TRAIP: variants seen among roughly 807,000 people sequenced by gnomAD.
TRAIP encodes the protein E3 ubiquitin-protein ligase TRAIP.
In TRAIP, 37 loss-of-function variants were observed where a neutral mutation model predicts 65.0. The ratio of observed to expected loss-of-function variants is 0.57; its 90% confidence interval spans 0.44 to 0.75. TRAIP has a LOEUF of 0.75. TRAIP is among the 30% of genes least tolerant of loss of function. TRAIP has a pLI of 0.00. For missense variants in TRAIP, 481 were observed against 579.4 expected, an observed-to-expected ratio of 0.83 and a Z score of 1.74; for synonymous variants, 187 against 219.1, an observed-to-expected ratio of 0.85 and a Z score of 1.29.
rs748874948 is a variant in TRAIP at position 49,829,107 on chromosome 3, G to A, written c.1406C>T (p.Ser469Leu). 1.5e-5 allele frequency: 24 copies of A among 1,614,034 alleles called. No individual in the cohort carries two copies. Among genetic ancestry groups the A allele is most frequent in the Non-Finnish European group, 1.1e-5 (13 of 1,180,040 alleles). The change falls in exon 15 of 15, where the codon TCG becomes TTG. Residue 469 changes from serine to leucine, a missense_variant. Physicochemically the swap from Ser to Leu is moderately radical, Grantham distance 145. Coordinates refer to ENST00000331456, the MANE Select transcript of TRAIP (RefSeq NM_005879.3). ...CATTGGTCAGACTCACTGTTCTCACGACCACAGGAAGGTGTCCAGCTTGGC... is the reference window on the plus strand; with the variant it reads ...CATTGGTCAGACTCACTGTTCTCACAACCACAGGAAGGTGTCCAGCTTGGC... The part of the protein sequence containing the change: ...FQAKLDTFLW[S>L]
chr3:49,835,265 C>A (rs1328600257), intron 10 of TRAIP, among the ~76,000 whole-genome samples: 1 of 152,122 alleles, frequency 6.6e-6, no homozygotes, highest in Non-Finnish European at 1.5e-5. Context: ...AATTCTAATA[C>A]ATGCTACATG....
chr3:49,832,580 C>A (rs1412643073), intron 10 of TRAIP, among the ~76,000 whole-genome samples: 4 of 151,770 alleles, frequency 2.6e-5, no homozygotes, highest in Admixed American at 6.6e-5. Flanking sequence ...TTGGCACCCC[C>A]CCACCACTCC....
intron 10 of TRAIP, among the ~76,000 whole-genome samples, chr3:49,836,611 G>A (rs558168846): frequency 2.6e-5 from 4 of 152,176 alleles, no homozygotes; most frequent in East Asian, 1.9e-4. Flanking sequence ...CAGGAGGATC[G>A]CTTGAGGCCA....
Position 49,856,429 on chromosome 3 carries a change from T to C in TRAIP, c.25A>G (p.Ile9Val), listed in dbSNP as rs775815051. 6.2e-7 allele frequency: 1 copy of C among 1,614,036 alleles called. No homozygotes were observed. Among genetic ancestry groups the C allele is most frequent in the African/African-American group, 1.3e-5 (1 of 74,944 alleles). The change falls in exon 1 of 15, where the codon ATC (isoleucine) becomes GTC (valine). Residue 9 changes from isoleucine (I) to valine (V), a missense_variant. Physicochemically the swap from Ile to Val is conservative, Grantham distance 29. Transcript: ENST00000331456. The stretch of plus-strand genomic sequence containing the variant: ...GAGTGATCGAAGAAGTCGGAGCAGA[T>C]AGTGCACAGAGCACGGATAGGCATG... The part of the protein sequence containing the change: MPIRALCT[I>V]CSDFFDHSRD...
intron 10 of TRAIP, among the ~76,000 whole-genome samples, chr3:49,834,733 G>A (rs2081765839): frequency 6.6e-6 from 1 of 152,122 alleles, no homozygotes; most frequent in Non-Finnish European, 1.5e-5. Context: ...ACCCACATAG[G>A]TTGGCCTCCA....
chr3:49,849,624 C>A (rs1342924966), intron 1 of TRAIP, among the ~76,000 whole-genome samples: 15 of 145,630 alleles, frequency 1.0e-4, no homozygotes, highest in Non-Finnish European at 1.5e-5. Context: ...GACTCCATCT[C>A]AAAAAAAAAA....
chr3:49,834,944 G>C (rs1371463372), intron 10 of TRAIP, among the ~76,000 whole-genome samples: 1 of 152,264 alleles, frequency 6.6e-6, no homozygotes, highest in Non-Finnish European at 1.5e-5. Flanking sequence ...GCTCACGCCT[G>C]TAATACCAAC....
rs1278799330 is a variant in TRAIP at position 49,841,069 on chromosome 3, C to T, written c.621G>A (p.Glu207=). The change falls in exon 8 of 15, where the codon GAG becomes GAA. Residue 207 remains glutamate (E), a synonymous_variant. Transcript: ENST00000331456. ...TCCGTGCCTCTTTTAGATTCTCGTA[C>T]TCTCTGCAATGTGGCCATGGAAAGA... ...LAVYCVSLKK[E]YENLKEARKA... is the part of the protein sequence containing the mutation. 6.2e-7 allele frequency: 1 copy of T among 1,613,994 alleles called. No homozygotes were observed. The highest frequency in any genetic ancestry group is 1.3e-5 in the African/African-American group (1 of 74,926).
intron 10 of TRAIP, among the ~76,000 whole-genome samples, chr3:49,835,870 C>T (rs1400612522): frequency 6.8e-6 from 1 of 146,158 alleles, no homozygotes; most frequent in Non-Finnish European, 1.5e-5. Flanking sequence ...ACCGGGGAGG[C>T]GGAGCTTGAA....
intron 1 of TRAIP, among the ~76,000 whole-genome samples, chr3:49,849,269 C>T (rs1222747677): frequency 6.6e-6 from 1 of 151,956 alleles, no homozygotes; most frequent in Non-Finnish European, 1.5e-5. Flanking sequence ...CTCAGCCTCC[C>T]AAAGTGCTGG....
intron 10 of TRAIP, among the ~76,000 whole-genome samples, chr3:49,836,444 T>C (rs1014639614): frequency 2.0e-5 from 3 of 151,722 alleles, no homozygotes; most frequent in Non-Finnish European, 4.4e-5. Context: ...CGAGCCAAGA[T>C]TGCACCACTG....
chr3:49,832,924 C>G (rs1329580166), intron 10 of TRAIP, among the ~76,000 whole-genome samples: 1 of 152,106 alleles, frequency 6.6e-6, no homozygotes, highest in Admixed American at 6.5e-5. Context: ...CTGGGGTGTA[C>G]ACATCAGAGG....
chr3:49,841,961 C>T (rs370106015), intron 6 of TRAIP, 22 bp from the exon 7 acceptor site: 4 of 1,601,686 alleles, frequency 2.5e-6, no homozygotes, highest in Admixed American at 1.7e-5. Flanking sequence ...ACCCAGCCCA[C>T]GGCATTTGCA....
chr3:49,850,568 G>C lies in TRAIP; in HGVS notation c.99-2368C>G, dbSNP rs1482499421. ...AAGACAGTAGCTATCTTAATATGGG[G>C]AGGTGGAGGGAGGTGTTGGTAGGGG... On this transcript the variant is annotated intron_variant, in intron 1 of 14. Coordinates refer to ENST00000331456, the MANE Select transcript of TRAIP (RefSeq NM_005879.3). Among the ~76,000 whole-genome samples, 6 of 151,964 alleles carry C rather than the reference G, an allele frequency of 3.9e-5. No individual in the cohort carries two copies. In the East Asian group the frequency reaches 1.2e-3, roughly 29 times the overall value.
chr3:49,833,727 C>T (rs985573825), intron 10 of TRAIP, among the ~76,000 whole-genome samples: 1 of 152,186 alleles, frequency 6.6e-6, no homozygotes, highest in Admixed American at 6.5e-5. Context: ...GATCTGCCCA[C>T]CTCGGCCTCC....
chr3:49,835,326 A>C (rs1457815714), intron 10 of TRAIP, among the ~76,000 whole-genome samples: 1 of 152,256 alleles, frequency 6.6e-6, no homozygotes, highest in Non-Finnish European at 1.5e-5. Context: ...TAATAAAAGG[A>C]CAAATATTGT....
chr3:49,851,265 C>T (rs1004469443), intron 1 of TRAIP, among the ~76,000 whole-genome samples: 6 of 152,200 alleles, frequency 3.9e-5, no homozygotes, highest in South Asian at 4.1e-4. Context: ...TGAATCAACA[C>T]GCCCAGCCAT....
chr3:49,828,981 G>A lies in TRAIP; in HGVS notation c.*122C>T, dbSNP rs1442608734. On this transcript the variant is annotated 3_prime_UTR_variant, in exon 15 of 15. Transcript: ENST00000331456. ...GTGCCACACTCACCCTCACCTGTTT[G>A]TCTGCCCTTACACCTCAGGCTGGTC... is the stretch of plus-strand genomic sequence containing the variant. 1 of 1,379,294 alleles carries A rather than the reference G, an allele frequency of 7.3e-7. No homozygotes were observed. Among genetic ancestry groups the A allele is most frequent in the Admixed American group, 1.7e-5 (1 of 57,386 alleles). The allele number at this position is 1,379,294 out of a possible 1,614,324, so 85.4% of individuals were successfully genotyped here.
intron 7 of TRAIP, 35 bp downstream of exon 7, chr3:49,841,791 C>A (rs1354120433): frequency 1.3e-6 from 2 of 1,580,156 alleles, no homozygotes; most frequent in Non-Finnish European, 8.7e-7. Context: ...CATGGCCTAT[C>A]TCCTGTGTTT....
Sources: gnomAD v4.1 joint callset for allele counts (sites outside exome capture counted in the v4.1 genomes callset) on GRCh38, gnomAD v4.1.1 for gene constraint, MANE v1.5 for transcripts, NCBI Gene and HGNC (gene_info 2026-07-23, HGNC 2026-07-21) for gene names.